Variants in ADAM7 observed in about 807,000 individuals in gnomAD.
ADAM7 encodes the protein ADAM metallopeptidase domain 7, also known as disintegrin and metalloproteinase domain-containing protein 7.
ADAM7 carries 97 observed loss-of-function variants against 102.9 expected under a neutral mutation model. That is an observed-to-expected ratio of 0.94 (90% CI 0.80 to 1.12). The LOEUF (loss-of-function observed/expected upper bound fraction) is 1.12, where lower values mean the gene tolerates loss of function less well. Among genes scored for constraint, ADAM7 ranks in the 50% most tolerant of loss-of-function variants. The probability of loss-of-function intolerance (pLI) is 0.00; values close to 1 mark genes in which losing one functional copy is unlikely to be tolerated. For missense variants in ADAM7, 991 were observed against 908.7 expected, an observed-to-expected ratio of 1.09 and a Z score of -1.16; for synonymous variants, 334 against 304.4, an observed-to-expected ratio of 1.10 and a Z score of -1.01.
At chr8:24,450,082 A>C (rs11988537) in intron 3 of ADAM7, among the ~76,000 whole-genome samples, 6,646 of 152,138 alleles carry the variant, frequency 0.044, 205 homozygotes, top group African/African-American at 0.058. Flanking sequence ...GTCAGGTAGC[A>C]TGATGCCTCC....
chr8:24,444,131 C>G (rs893952700), intron 2 of ADAM7, among the ~76,000 whole-genome samples: 3 of 150,842 alleles, frequency 2.0e-5, no homozygotes, highest in Non-Finnish European at 4.4e-5. Context: ...CAGAAGCCAA[C>G]AGAAAGAGCT....
At chr8:24,496,917 G>C (rs1030671016) in intron 16 of ADAM7, among the ~76,000 whole-genome samples, 14 of 152,132 alleles carry the variant, frequency 9.2e-5, no homozygotes, top group African/African-American at 3.4e-4. Context: ...GGCATGATTG[G>C]TTTTAAAATG....
chr8:24,452,845 G>A (rs1818853502), intron 3 of ADAM7, among the ~76,000 whole-genome samples: 1 of 151,172 alleles, frequency 6.6e-6, no homozygotes, highest in Admixed American at 6.6e-5. Flanking sequence ...GGGCAGGCCT[G>A]GTGGTGACAA....
intron 8 of ADAM7, among the ~76,000 whole-genome samples, chr8:24,476,744 A>G (rs1819780272): frequency 6.6e-6 from 1 of 152,180 alleles, no homozygotes; most frequent in African/African-American, 2.4e-5. Context: ...CTCTAATCAC[A>G]AAATTTATGA....
intron 21 of ADAM7, 104 bp downstream of exon 21, chr8:24,507,639 ACT>A: frequency 1.1e-6 from 1 of 881,360 alleles, no homozygotes; most frequent in Non-Finnish European, 1.7e-6. Flanking sequence ...CATCCTCTGT[ACT>A]TATCACAACA....
intron 19 of ADAM7, 67 bp from the exon 20 acceptor site, chr8:24,501,410 T>C: frequency 7.7e-6 from 9 of 1,174,190 alleles, no homozygotes; most frequent in Non-Finnish European, 1.1e-5. Flanking sequence ...AGCTTACTCA[T>C]GAAGAAATAA....
At chr8:24,458,467 C>G (rs1819120791) in intron 3 of ADAM7, among the ~76,000 whole-genome samples, 1 of 151,886 alleles carries the variant, frequency 6.6e-6, no homozygotes, top group African/African-American at 2.4e-5. Flanking sequence ...TGATTTGTGT[C>G]TACAATATAA....
intron 14 of ADAM7, 167 bp downstream of exon 14, chr8:24,492,265 C>T (rs10097433): frequency 0.085 from 62,346 of 731,132 alleles, 3,567 homozygotes; most frequent in African/African-American, 0.24. Context: ...GTTGATCTTA[C>T]GTCTAATATT....
intron 7 of ADAM7, among the ~76,000 whole-genome samples, 186 bp from the exon 8 acceptor site, chr8:24,476,247 G>C (rs1325773919): frequency 2.0e-5 from 3 of 152,098 alleles, no homozygotes; most frequent in African/African-American, 4.8e-5. Flanking sequence ...TAGGAGGGCT[G>C]TATTTAGTTA....
At position 24,476,587 on chromosome 8, in the gene ADAM7, T is replaced by C. The variant is rs574902650; in HGVS notation, c.705+83T>C. On this transcript the variant is annotated intron_variant, in intron 8 of 21. Transcript: ENST00000175238. ...AGCGCAGTTCTCTGCTGGACTATTG[T>C]AGTTACCTGATATTAAGGGAGTACA... The C allele has an allele frequency of 1.5e-5, 16 of 1,074,516 alleles. No homozygotes were observed. In the East Asian group the frequency reaches 3.4e-4, roughly 23 times the overall value. The allele number at this position is 1,074,516 out of a possible 1,614,324, so 66.6% of individuals were successfully genotyped here. A position where few individuals can be genotyped will look rare whatever the true frequency, so the allele number is the denominator to read the frequency against.
intron 3 of ADAM7, among the ~76,000 whole-genome samples, chr8:24,462,509 T>C (rs956929218): frequency 2.0e-5 from 3 of 152,182 alleles, no homozygotes; most frequent in Non-Finnish European, 2.9e-5. Flanking sequence ...TGTGCCTTCT[T>C]CACCTCTCAT....
chr8:24,506,244 G>T, intron 20 of ADAM7: 3 of 1,069,898 alleles, frequency 2.8e-6, no homozygotes, highest in Non-Finnish European at 2.7e-6. Context: ...TTGGTTCCTT[G>T]AAAAGGACCA....
intron 11 of ADAM7, among the ~76,000 whole-genome samples, chr8:24,488,921 G>A (rs1820239772): frequency 6.6e-6 from 1 of 152,070 alleles, no homozygotes; most frequent in African/African-American, 2.4e-5. Context: ...CAGTCTGTAA[G>A]GTGGGCTTCA....
At chr8:24,449,680 T>G (rs779459490) in intron 3 of ADAM7, among the ~76,000 whole-genome samples, 3 of 152,160 alleles carry the variant, frequency 2.0e-5, no homozygotes, top group Non-Finnish European at 4.4e-5. Flanking sequence ...AATTTTGGCT[T>G]TTGTTGCCAT....
chr8:24,467,734 A>G (rs1180654415), intron 6 of ADAM7: 1 of 152,232 alleles, frequency 6.6e-6, no homozygotes, highest in Non-Finnish European at 1.5e-5. Flanking sequence ...TGAAAGCTGA[A>G]TACTTAGAAG....
chr8:24,493,800 G>A (rs543687433), intron 16 of ADAM7, among the ~76,000 whole-genome samples: 9 of 152,266 alleles, frequency 5.9e-5, no homozygotes, highest in Admixed American at 5.2e-4. Context: ...TTAACACACA[G>A]GAAATGGGAG....
intron 8 of ADAM7, among the ~76,000 whole-genome samples, chr8:24,477,145 C>A (rs1038572438): frequency 1.3e-5 from 2 of 152,156 alleles, no homozygotes; most frequent in Admixed American, 6.5e-5. Context: ...ATTGTAAATA[C>A]AATGGCTTTA....
chr8:24,474,237 G>A (rs1489965556), intron 7 of ADAM7, among the ~76,000 whole-genome samples: 1 of 152,090 alleles, frequency 6.6e-6, no homozygotes, highest in African/African-American at 2.4e-5. Context: ...AAATTAGTAA[G>A]TTCTAAGCAC....
chr8:24,467,161 A>C, intron 6 of ADAM7, 173 bp downstream of exon 6: 1 of 629,908 alleles, frequency 1.6e-6, no homozygotes, highest in Non-Finnish European at 2.7e-6. Flanking sequence ...AAAAGTGTTT[A>C]TTTCATAGAG....
Sources: allele counts gnomAD v4.1 joint callset (sites outside exome capture counted in the v4.1 genomes callset), GRCh38; gene constraint gnomAD v4.1.1; transcripts MANE v1.5; gene names NCBI Gene and HGNC (gene_info 2026-07-23, HGNC 2026-07-21).